Variants in CC2D2A observed in about 807,000 individuals in gnomAD.
The protein encoded by CC2D2A is coiled-coil and C2 domain containing 2A.
A neutral mutation model predicts 212.9 loss-of-function variants in CC2D2A; 155 were observed. The observed-to-expected ratio is 0.73, with a 90% CI of 0.64 to 0.83. The LOEUF is 0.83. Among genes scored for constraint, CC2D2A ranks in the 40% least tolerant of loss-of-function variants. CC2D2A has a pLI of 0.00. For synonymous variants in CC2D2A, 667 were observed against 686.5 expected, an observed-to-expected ratio of 0.97 and a Z score of 0.44; for missense variants, 1,856 against 1,956.2, an observed-to-expected ratio of 0.95 and a Z score of 0.97.
rs1560188280 is a variant in CC2D2A, at chr4:15,570,438, A to T, written c.3536A>T (p.Glu1179Val). ...ERGSGIHTRI[E>V]RHWLGCVKMP... ...GGAAGTGGAATCCATACTCGTATTGAGAGACACTGGCTGGGATGTGTGAAA... is the reference window on the plus strand; with the variant it reads ...GGAAGTGGAATCCATACTCGTATTGTGAGACACTGGCTGGGATGTGTGAAA... Residue 1179 changes from glutamate (E) to valine (V), a missense_variant, in exon 28 of 37, where the codon GAG becomes GTG. By Grantham distance (121) the Glu-to-Val change is moderately radical. Coordinates refer to ENST00000424120, the MANE Select transcript of CC2D2A (RefSeq NM_001378615.1). The T allele has an allele frequency of 2.5e-6, 4 of 1,608,422 alleles. No homozygotes were observed. Among genetic ancestry groups the T allele is most frequent in the Admixed American group, 1.7e-5 (1 of 59,714 alleles).
intron 33 of CC2D2A, 93 bp downstream of exon 33, chr4:15,589,772 T>G (rs1444914725): frequency 1.8e-6 from 1 of 558,622 alleles, no homozygotes; most frequent in African/African-American, 2.1e-5. Context: ...AACCAAAATA[T>G]TTATATAAAT....
rs557630321 is a variant in CC2D2A, at chr4:15,601,264, T to A, written c.4702T>A (p.Tyr1568Asn). 3.1e-6 allele frequency: 5 copies of A among 1,613,036 alleles called. No homozygotes were observed. In the African/African-American group the frequency reaches 6.7e-5, roughly 21 times the overall value. The change falls in exon 37 of 37, where the codon TAT becomes AAT. Residue 1568 changes from tyrosine (Y) to asparagine (N), a missense_variant. Transcript: ENST00000424120. ...CTCTGGATTTCCTCTTCACATGCCT[T>A]ATTCTGAAGTGAAGCCTTTAATTGA... ...RFSGFPLHMP[Y>N]SEVKPLIDAV...
intron 22 of CC2D2A, among the ~76,000 whole-genome samples, chr4:15,560,093 A>G (rs767846858): frequency 4.0e-5 from 6 of 151,432 alleles, no homozygotes; most frequent in Admixed American, 6.6e-5. Context: ...TGGCCTCTCA[A>G]AGTGCTGGGA....
At chr4:15,572,559 T>C (rs1720218576) in intron 28 of CC2D2A, among the ~76,000 whole-genome samples, 2 of 151,594 alleles carry the variant, frequency 1.3e-5, no homozygotes, top group South Asian at 2.1e-4. Context: ...ACATCTAGTG[T>C]GCAGATGCTA....
intron 4 of CC2D2A, among the ~76,000 whole-genome samples, chr4:15,485,653 G>C (rs1056005801): frequency 4.6e-5 from 7 of 151,940 alleles, no homozygotes; most frequent in African/African-American, 1.7e-4. Context: ...TTGTCTTTTT[G>C]ATGAAAGCCA....
In CC2D2A at chr4:15,599,800, G is replaced by A. The variant is rs375444131; in HGVS notation, c.4674+94G>A. The A allele has an allele frequency of 6.5e-6, 6 of 928,596 alleles. No individual in the cohort carries two copies. The South Asian group carries it at 8.2e-5, about 13-fold the overall frequency. 57.5% of individuals were successfully genotyped at this position (928,596 alleles called of 1,614,324 possible). ...AGGTTTCTGGAATCAAAAGACCCAC[G>A]TTGCTCCCAGAAGTACATATTTAAA... On this transcript the variant is annotated intron_variant, in intron 36 of 36. Transcript: ENST00000424120.
rs1720928160 is a variant in CC2D2A, at chr4:15,587,974, A to G, written c.4179+45A>G. On this transcript the variant is annotated intron_variant, in intron 32 of 36. Coordinates refer to ENST00000424120, the MANE Select transcript of CC2D2A (RefSeq NM_001378615.1). ...CTTTAACAGAGGAGTATAGTTGTCT[A>G]ATCGAGTTGTGTGTTCCAGATCACA... The G allele has an allele frequency of 1.7e-5, 19 of 1,091,784 alleles. No individual in the cohort carries two copies. In the East Asian group the frequency reaches 4.5e-4, roughly 26 times the overall value. The allele number at this position is 1,091,784 out of a possible 1,614,324, so 67.6% of individuals were successfully genotyped here.
At chr4:15,529,053 A>G (rs1001846924) in intron 13 of CC2D2A, among the ~76,000 whole-genome samples, 3 of 152,222 alleles carry the variant, frequency 2.0e-5, no homozygotes, top group African/African-American at 7.2e-5. Context: ...GATGTTCTTT[A>G]AGGAGCTATG....
intron 8 of CC2D2A, among the ~76,000 whole-genome samples, chr4:15,513,359 G>A (rs970765312): frequency 6.6e-6 from 1 of 152,208 alleles, no homozygotes; most frequent in African/African-American, 2.4e-5. Context: ...AGCAAGTCAC[G>A]AGACGTAGTG....
chr4:15,557,003 G>C (rs1026153442), intron 20 of CC2D2A, among the ~76,000 whole-genome samples: 3 of 152,184 alleles, frequency 2.0e-5, no homozygotes, highest in Non-Finnish European at 4.4e-5. Flanking sequence ...GTAATACACT[G>C]TAGTCTGGCA....
Position 15,533,487 on chromosome 4 carries a change from C to T in CC2D2A, c.1607+154C>T, listed in dbSNP as rs575969879. 33 of 496,730 alleles carry T rather than the reference C, an allele frequency of 6.6e-5. No individual in the cohort carries two copies. In the South Asian group the frequency reaches 1.1e-3, roughly 17 times the overall value. The allele number at this position is 496,730 out of a possible 1,614,324, so 30.8% of individuals were successfully genotyped here. A position where few individuals can be genotyped will look rare whatever the true frequency, so the allele number is the denominator to read the frequency against. ...AGAACATTGCATACCTGAGCAGCCC[C>T]TCCCAAATAACATTCTCCTCAATCC... On this transcript the variant is annotated intron_variant, in intron 14 of 36. Transcript: ENST00000424120.
intron 7 of CC2D2A, among the ~76,000 whole-genome samples, chr4:15,510,756 A>G (rs1716525526): frequency 6.6e-6 from 1 of 152,142 alleles, no homozygotes; most frequent in South Asian, 2.1e-4. Context: ...AAGACAGGAA[A>G]TGTTGGTGAT....
intron 17 of CC2D2A, among the ~76,000 whole-genome samples, chr4:15,543,222 T>C (rs572595688): frequency 6.6e-6 from 1 of 152,310 alleles, no homozygotes; most frequent in South Asian, 2.1e-4. Flanking sequence ...ATAGCTGAAA[T>C]TTTTTTCTTG....
chr4:15,599,142 C>G (rs1402387951), intron 35 of CC2D2A, among the ~76,000 whole-genome samples: 2 of 152,150 alleles, frequency 1.3e-5, no homozygotes, highest in African/African-American at 4.8e-5. Flanking sequence ...GCCTGGGCAA[C>G]AGAGCAAGAT....
chr4:15,495,010 T>C (rs1184206173), intron 4 of CC2D2A, among the ~76,000 whole-genome samples: 1 of 152,236 alleles, frequency 6.6e-6, no homozygotes, highest in African/African-American at 2.4e-5. Context: ...ATACAGATCA[T>C]TTTGTCACCC....
chr4:15,523,498 T>G (rs562757129), intron 11 of CC2D2A, among the ~76,000 whole-genome samples: 1 of 152,330 alleles, frequency 6.6e-6, no homozygotes, highest in African/African-American at 2.4e-5. Flanking sequence ...TCACCAGTTT[T>G]TCACCAAAGC....
intron 29 of CC2D2A, among the ~76,000 whole-genome samples, chr4:15,577,274 G>A (rs1257327395): frequency 6.6e-6 from 1 of 152,184 alleles, no homozygotes; most frequent in East Asian, 1.9e-4. Context: ...GAGATTACAG[G>A]TGTGAGCCAC....
At chr4:15,519,094 A>G (rs567698958) in intron 11 of CC2D2A, 57 of 165,012 alleles carry the variant, frequency 3.5e-4, no homozygotes, top group Admixed American at 9.7e-4. Flanking sequence ...CCAAACTTTT[A>G]TACTCCCCTT....
chr4:15,533,415 G>C (rs1717956513), intron 14 of CC2D2A, 82 bp downstream of exon 14: 3 of 1,083,540 alleles, frequency 2.8e-6, no homozygotes, highest in Non-Finnish European at 3.8e-6. Flanking sequence ...AGTTTTAAAA[G>C]TAATTACAAA....
Sources: gnomAD v4.1 joint callset for allele counts (sites outside exome capture counted in the v4.1 genomes callset) on GRCh38, gnomAD v4.1.1 for gene constraint, MANE v1.5 for transcripts, NCBI Gene and HGNC (gene_info 2026-07-23, HGNC 2026-07-21) for gene names.